BMAL1: variants seen among roughly 807,000 people sequenced by gnomAD.
BMAL1 encodes basic helix-loop-helix ARNT-like protein 1.
chr11:13,372,266 G>A, the BMAL1 span: 7 of 1,614,182 alleles, frequency 4.3e-6, no homozygotes, highest in South Asian at 1.1e-5. Context: ...ACAATGAGGG[G>A]TGTAACCTCA....
At chr11:13,374,065 T>C in the BMAL1 span, 1 of 1,598,052 alleles carries the variant, frequency 6.3e-7, no homozygotes, top group Non-Finnish European at 8.5e-7. Context: ...TGGCTTTTTC[T>C]TCTTTAAATA....
the BMAL1 span, chr11:13,375,535 A>G: frequency 1.6e-6 from 2 of 1,258,254 alleles, no homozygotes; most frequent in African/African-American, 3.1e-5. Context: ...AGTACCTTTA[A>G]TATTTTGTAT....
the BMAL1 span, among the ~76,000 whole-genome samples, chr11:13,377,151 C>T: frequency 2.6e-5 from 4 of 152,200 alleles, no homozygotes; most frequent in Non-Finnish European, 5.9e-5. Flanking sequence ...CTTGGCCCTG[C>T]CCCTGCTGTC....
At chr11:13,385,199 T>A in the BMAL1 span, among the ~76,000 whole-genome samples, 5 of 152,226 alleles carry the variant, frequency 3.3e-5, no homozygotes, top group Non-Finnish European at 5.9e-5. Context: ...TGTCTTAACT[T>A]AAACCACAGG....
chr11:13,277,554 C>T, the BMAL1 span: 1 of 152,136 alleles, frequency 6.6e-6, no homozygotes, highest in Non-Finnish European at 1.5e-5. Flanking sequence ...TGGTCAGCGG[C>T]CTCTCTAGCC....
the BMAL1 span, chr11:13,358,323 T>G: frequency 8.2e-5 from 101 of 1,234,712 alleles, no homozygotes; most frequent in Non-Finnish European, 9.2e-5. Flanking sequence ...AAATTCTAAA[T>G]TTGCCTTGTC....
the BMAL1 span, chr11:13,376,512 TCAGA>T: frequency 6.2e-5 from 55 of 886,480 alleles, no homozygotes; most frequent in African/African-American, 4.9e-4. Flanking sequence ...GTTTACCCAC[TCAGA>T]CAGACACTTC....
At chr11:13,304,983 A>T in the BMAL1 span, among the ~76,000 whole-genome samples, 2 of 152,180 alleles carry the variant, frequency 1.3e-5, no homozygotes, top group Admixed American at 6.5e-5. Flanking sequence ...GCAAAGGAGG[A>T]GAGCCTTTCT....
the BMAL1 span, among the ~76,000 whole-genome samples, chr11:13,348,004 A>C: frequency 6.6e-6 from 1 of 152,108 alleles, no homozygotes; most frequent in Non-Finnish European, 1.5e-5. Context: ...ACCTGCCTGA[A>C]GCTTATGGGA....
chr11:13,360,860 A>G, the BMAL1 span, among the ~76,000 whole-genome samples: 1 of 152,222 alleles, frequency 6.6e-6, no homozygotes, highest in Non-Finnish European at 1.5e-5. Flanking sequence ...GCTCACGCCT[A>G]TAATCCCAGC....
At chr11:13,340,007 C>T in the BMAL1 span, among the ~76,000 whole-genome samples, 1 of 152,204 alleles carries the variant, frequency 6.6e-6, no homozygotes, top group Non-Finnish European at 1.5e-5. Flanking sequence ...AGCATGCCAA[C>T]AGTGTCTTCG....
At chr11:13,385,602 T>TCCCCA in the BMAL1 span, 3 of 915,484 alleles carry the variant, frequency 3.3e-6, no homozygotes, top group South Asian at 2.9e-5. Context: ...TTGAAGCTTC[T>TCCCCA]CCCCACCCCA....
the BMAL1 span, among the ~76,000 whole-genome samples, chr11:13,365,224 T>C: frequency 6.6e-6 from 1 of 151,634 alleles, no homozygotes; most frequent in African/African-American, 2.4e-5. Context: ...AATTCTGCTT[T>C]GAAATATAAC....
chr11:13,353,867 G>GT, the BMAL1 span, among the ~76,000 whole-genome samples: 1 of 152,130 alleles, frequency 6.6e-6, no homozygotes, highest in Admixed American at 6.6e-5. Flanking sequence ...TTAGCTTTGT[G>GT]TGTGGAGAAA....
At chr11:13,321,068 CTT>C in the BMAL1 span, among the ~76,000 whole-genome samples, 13 of 152,328 alleles carry the variant, frequency 8.5e-5, no homozygotes, top group East Asian at 2.5e-3. Flanking sequence ...CAGCTCCTCT[CTT>C]TTTCTCTTCC....
At chr11:13,313,322 A>G in the BMAL1 span, among the ~76,000 whole-genome samples, 496 of 152,128 alleles carry the variant, frequency 3.3e-3, 3 homozygotes, top group African/African-American at 0.011. Flanking sequence ...CGTCATCCTT[A>G]ACGTCCTCCC....
the BMAL1 span, among the ~76,000 whole-genome samples, chr11:13,329,458 G>A: frequency 3.9e-4 from 59 of 152,282 alleles, no homozygotes; most frequent in African/African-American, 1.3e-3. Context: ...CAATATGGAC[G>A]ACACTTCTCT....
At chr11:13,277,800 C>T in the BMAL1 span, 1 of 152,542 alleles carries the variant, frequency 6.6e-6, no homozygotes, top group African/African-American at 2.4e-5. Context: ...AGTGGTGCGA[C>T]ATTTAGGGAA....
the BMAL1 span, chr11:13,378,236 A>C: frequency 7.1e-7 from 1 of 1,415,330 alleles, no homozygotes; most frequent in Non-Finnish European, 9.3e-7. Flanking sequence ...TCTGATGTTG[A>C]ACTGCAAATG....
Sources: gnomAD v4.1 joint callset for allele counts (sites outside exome capture counted in the v4.1 genomes callset) on GRCh38, gnomAD v4.1.1 for gene constraint, MANE v1.5 for transcripts, NCBI Gene and HGNC (gene_info 2026-07-23, HGNC 2026-07-21) for gene names.